GPHN: variants seen among roughly 807,000 people sequenced by gnomAD.
GPHN encodes gephyrin.
In GPHN, 17 loss-of-function variants were observed where a neutral mutation model predicts 95.5. That is an observed-to-expected ratio of 0.18 (90% CI 0.12 to 0.27). The LOEUF is 0.27. Ranked by LOEUF, GPHN falls within the 10% of genes least tolerant of loss-of-function variation. The pLI, the probability that GPHN is intolerant of heterozygous loss-of-function variation, is 1.00. For missense variants in GPHN, 660 were observed against 978.1 expected (o/e 0.67, Z 4.34); for synonymous variants, 320 against 322.5 (o/e 0.99, Z 0.08).
At chr14:67,361,602 G>A in the GPHN span, among the ~76,000 whole-genome samples, 2 of 152,182 alleles carry the variant, frequency 1.3e-5, no homozygotes. Context: ...ATCCATTATA[G>A]CAGTTTGACC....
chr14:67,063,424 T>C (rs1226909873), intron 11 of GPHN, among the ~76,000 whole-genome samples: 1 of 152,218 alleles, frequency 6.6e-6, no homozygotes, highest in Non-Finnish European at 1.5e-5. Flanking sequence ...AGCTCTTTTT[T>C]GGTTCCATGT....
In GPHN at chr14:67,162,103, A is replaced by G. The variant is rs563598734; in HGVS notation, c.1910+2615A>G. ...AAAAAAAAATTCACAGTTTAGCAAT[A>G]GGACATTTATGATAGCCATGCATAA... On this transcript the variant is annotated intron_variant, in intron 19 of 22. Coordinates refer to ENST00000478722, the MANE Select transcript of GPHN (RefSeq NM_020806.5). Among the ~76,000 whole-genome samples, 13 of 152,362 alleles carry G rather than the reference A, an allele frequency of 8.5e-5. No homozygotes were observed. In the South Asian group the frequency reaches 2.5e-3, roughly 29 times the overall value.
In GPHN at chr14:66,721,981, A is replaced by AG. The variant is rs1451993327; in HGVS notation, c.143+40797dup. On this transcript the variant is annotated intron_variant, in intron 2 of 22. Transcript: ENST00000478722. The stretch of plus-strand genomic sequence containing the variant: ...AAAAAAAAAAAAAAAAGGAAAAAAA[A>AG]GAATTTGATTTAATTTGGGAAAGTT... 2.3e-3 allele frequency among the ~76,000 whole-genome samples: 352 copies of AG among 151,440 alleles called. 4 individuals carry two copies. Among genetic ancestry groups the AG allele is most frequent in the African/African-American group, 8.0e-3 (332 of 41,406 alleles).
chr14:66,824,422 G>T, intron 3 of GPHN, 52 bp from the exon 4 acceptor site: 1 of 891,590 alleles, frequency 1.1e-6, no homozygotes, highest in South Asian at 1.3e-5. Flanking sequence ...GGGATGTTTT[G>T]AGCAAGCAGG....
chr14:67,611,178 T>A, the GPHN span: 1 of 152,418 alleles, frequency 6.6e-6, no homozygotes, highest in Non-Finnish European at 1.5e-5. Context: ...CATGTAAACG[T>A]GTATGCTGTA....
At chr14:67,426,257 A>G in the GPHN span, among the ~76,000 whole-genome samples, 61 of 152,220 alleles carry the variant, frequency 4.0e-4, no homozygotes, top group Middle Eastern at 3.4e-3. Flanking sequence ...GTCCGACAGG[A>G]TCTCTGGGCT....
intron 17 of GPHN, among the ~76,000 whole-genome samples, chr14:67,137,957 T>C (rs2080199959): frequency 6.6e-6 from 1 of 152,156 alleles, no homozygotes; most frequent in African/African-American, 2.4e-5. Context: ...CAATAGCCCC[T>C]CTAGTGGCAG....
the GPHN span, chr14:67,724,401 T>G: frequency 9.5e-7 from 1 of 1,052,022 alleles, no homozygotes; most frequent in Non-Finnish European, 1.5e-6. Context: ...AGTTTTTTTT[T>G]TTTTTTTTAA....
chr14:67,246,541 A>G, the GPHN span, among the ~76,000 whole-genome samples: 1 of 151,382 alleles, frequency 6.6e-6, no homozygotes, highest in African/African-American at 2.4e-5. Flanking sequence ...AGATCTCCCT[A>G]TATTGCCCAA....
At chr14:67,232,237 C>A in the GPHN span, among the ~76,000 whole-genome samples, 1 of 152,262 alleles carries the variant, frequency 6.6e-6, no homozygotes, top group East Asian at 1.9e-4. Context: ...AAGTCATTTG[C>A]CCTGGTGGAA....
At chr14:67,336,794 G>A in the GPHN span, 6 of 455,732 alleles carry the variant, frequency 1.3e-5, no homozygotes, top group Admixed American at 1.2e-4. Flanking sequence ...CTTGTGAACT[G>A]AGTTGTTGGT....
At chr14:66,837,675 A>G (rs2061906495) in intron 4 of GPHN, among the ~76,000 whole-genome samples, 1 of 151,302 alleles carries the variant, frequency 6.6e-6, no homozygotes, top group Non-Finnish European at 1.5e-5. Context: ...TTAAGTTGAA[A>G]GGGTCCTATT....
chr14:67,512,558 A>G, the GPHN span, among the ~76,000 whole-genome samples: 1 of 152,218 alleles, frequency 6.6e-6, no homozygotes, highest in Non-Finnish European at 1.5e-5. Context: ...AAGTAAAAGC[A>G]TACAAACTTG....
the GPHN span, among the ~76,000 whole-genome samples, chr14:67,429,034 G>C: frequency 3.5e-3 from 533 of 152,286 alleles, 2 homozygotes; most frequent in Middle Eastern, 0.01. Flanking sequence ...GAAGGCTCAA[G>C]ACCCGTATTC....
chr14:66,608,623 C>A (rs1446957873), intron 1 of GPHN, among the ~76,000 whole-genome samples: 1 of 152,040 alleles, frequency 6.6e-6, no homozygotes, highest in African/African-American at 2.4e-5. Context: ...CTATTGAGGT[C>A]TTTTTCTAGG....
chr14:67,621,008 T>C, the GPHN span: 17 of 1,576,222 alleles, frequency 1.1e-5, no homozygotes, highest in Middle Eastern at 1.7e-4. Context: ...GGACTAGTAA[T>C]AGACCACTTC....
intron 1 of GPHN, among the ~76,000 whole-genome samples, chr14:66,592,301 A>G (rs4547074): frequency 5.1e-4 from 77 of 152,286 alleles, no homozygotes; most frequent in Non-Finnish European, 7.1e-4. Context: ...AAATTGATAA[A>G]TGGGATCTAA....
intron 1 of GPHN, among the ~76,000 whole-genome samples, chr14:66,603,318 T>TTG (rs1307989596): frequency 5.9e-5 from 9 of 151,968 alleles, no homozygotes; most frequent in South Asian, 2.1e-4. Flanking sequence ...CAGGGTTTTT[T>TTG]TGTGTGTGTG....
At chr14:67,695,679 A>G in the GPHN span, 1 of 1,614,200 alleles carries the variant, frequency 6.2e-7, no homozygotes, top group Non-Finnish European at 8.5e-7. Flanking sequence ...AGGAGGAGCA[A>G]CAGCGGGAAC....
Sources: allele counts gnomAD v4.1 joint callset (sites outside exome capture counted in the v4.1 genomes callset), GRCh38; gene constraint gnomAD v4.1.1; transcripts MANE v1.5; gene names NCBI Gene and HGNC (gene_info 2026-07-23, HGNC 2026-07-21).